ANK1: variants seen among roughly 807,000 people sequenced by gnomAD.
ANK1 encodes ankyrin 1.
In ANK1, 51 loss-of-function variants were observed where a neutral mutation model predicts 210.4. The observed-to-expected ratio is 0.24, with a 90% confidence interval of 0.19 to 0.31. The LOEUF (loss-of-function observed/expected upper bound fraction) is 0.31, where lower values mean the gene tolerates loss of function less well. Among genes scored for constraint, ANK1 ranks in the 10% least tolerant of loss-of-function variants. The pLI, the probability that ANK1 is intolerant of heterozygous loss-of-function variation, is 1.00. For missense variants in ANK1, 2,051 were observed against 2,504.4 expected, an observed-to-expected ratio of 0.82 and a Z score of 3.86; for synonymous variants, 967 against 1,025.9, an observed-to-expected ratio of 0.94 and a Z score of 1.10.
rs562957287 is a variant in ANK1 at position 41,770,022 on chromosome 8, C to T, written c.28-11885G>A. On this transcript the variant is annotated intron_variant, in intron 1 of 42. Coordinates refer to ENST00000289734, the MANE Select transcript of ANK1 (RefSeq NM_000037.4). The stretch of plus-strand genomic sequence containing the variant: ...TTGAGGAAGAGTTTAGCTCTTGTTG[C>T]CCAGGCTGGAGTGCAATGGCATGAT... Among the ~76,000 whole-genome samples the T allele has an allele frequency of 1.3e-4, 15 of 113,690 alleles. No homozygotes were observed. In the South Asian group the frequency reaches 4.0e-3, roughly 30 times the overall value. 74.6% of individuals were successfully genotyped at this position (113,690 alleles called of 152,430 possible).
At chr8:41,798,420 C>T (rs1587033064), upstream of ANK1, among the ~76,000 whole-genome samples, 1 of 152,210 alleles carries the variant, frequency 6.6e-6, no homozygotes, top group Non-Finnish European at 1.5e-5. Context: ...CGTGGGATGG[C>T]GCGGGCAGGG....
At chr8:41,665,123 G>T in intron 39 of ANK1, 2 of 1,552,300 alleles carry the variant, frequency 1.3e-6, no homozygotes, top group Non-Finnish European at 1.7e-6. Context: ...GTCCCCCAGG[G>T]ACCCCTTGCA....
At chr8:41,768,240 TA>T (rs1842279842) in intron 1 of ANK1, among the ~76,000 whole-genome samples, 1 of 152,216 alleles carries the variant, frequency 6.6e-6, no homozygotes, top group East Asian at 1.9e-4. Context: ...GAACCGTAAG[TA>T]AAAGCAGTGT....
chr8:41,657,409 A>G (rs1806130758), intron 42 of ANK1, among the ~76,000 whole-genome samples: 1 of 152,146 alleles, frequency 6.6e-6, no homozygotes, highest in Admixed American at 6.5e-5. Flanking sequence ...AAAAGCTAAG[A>G]CACATAGGTG....
chr8:41,812,631 A>C (rs1802664722), intron 1 of ANK1, among the ~76,000 whole-genome samples: 3 of 152,250 alleles, frequency 2.0e-5, no homozygotes, highest in African/African-American at 7.2e-5. Context: ...GTTTCTTAGA[A>C]TAACCAGCAT....
chr8:41,706,226 G>A lies in ANK1; in HGVS notation c.2014C>T (p.Leu672Phe). ...TGGCCTTCTTGTGCTACCAGATGGA[G>A]GGGAGTGAGTCCGCTCTGCAAAGAA... ...NLGNKSGLTPLHLVAQEGHVP... is the reference protein window; with the variant it reads ...NLGNKSGLTPFHLVAQEGHVP... The change falls in exon 18 of 43, where the codon CTC becomes TTC. Residue 672 changes from leucine (L) to phenylalanine (F), a missense_variant. By Grantham distance (22) the Leu-to-Phe change is conservative. Coordinates refer to ENST00000289734, the MANE Select transcript of ANK1 (RefSeq NM_000037.4). 6.2e-7 allele frequency: 1 copy of A among 1,614,138 alleles called. No homozygotes were observed.
At chr8:41,852,434 C>T (rs933873747) in intron 1 of ANK1, among the ~76,000 whole-genome samples, 2 of 152,170 alleles carry the variant, frequency 1.3e-5, no homozygotes, top group African/African-American at 2.4e-5. Context: ...GCTGATGACC[C>T]GGGCACCTCC....
intron 1 of ANK1, among the ~76,000 whole-genome samples, chr8:41,862,666 A>C (rs1813512050): frequency 6.6e-6 from 1 of 151,478 alleles, no homozygotes; most frequent in African/African-American, 2.4e-5. Flanking sequence ...CAGACAAAAA[A>C]AAAAAAAAAA....
chr8:41,709,153 G>A (rs1429333496), intron 16 of ANK1, among the ~76,000 whole-genome samples, 178 bp from the exon 17 acceptor site: 3 of 152,024 alleles, frequency 2.0e-5, no homozygotes, highest in Non-Finnish European at 4.4e-5. Context: ...TTGATTTGGA[G>A]ACAGCTCCTC....
At chr8:41,874,607 C>G (rs546125714) in intron 1 of ANK1, among the ~76,000 whole-genome samples, 12 of 152,324 alleles carry the variant, frequency 7.9e-5, no homozygotes, top group Admixed American at 3.3e-4. Flanking sequence ...CTGTCTTCCT[C>G]CAGACAAGGT....
chr8:41,894,173 G>T (rs1460553654), intron 1 of ANK1, among the ~76,000 whole-genome samples: 1 of 152,076 alleles, frequency 6.6e-6, no homozygotes, highest in Non-Finnish European at 1.5e-5. Context: ...TGCACCCAAA[G>T]AATCAGTCCT....
intron 1 of ANK1, among the ~76,000 whole-genome samples, chr8:41,781,274 A>T (rs879300397): frequency 1.3e-5 from 2 of 152,160 alleles, no homozygotes; most frequent in Non-Finnish European, 2.9e-5. Flanking sequence ...GGCCCTCTGC[A>T]GTTTCTCTAA....
chr8:41,688,695 C>T, intron 33 of ANK1, 106 bp from the exon 34 acceptor site: 1 of 952,174 alleles, frequency 1.1e-6, no homozygotes, highest in Non-Finnish European at 1.7e-6. Flanking sequence ...GACCCCAGTC[C>T]TGGTAAACAA....
rs142424943 is a variant in ANK1, at chr8:41,694,739, C to T, written c.3180G>A (p.Pro1060=). The stretch of plus-strand genomic sequence containing the variant: ...GCCGTGACATGATCACGAAGTACAG[C>T]GGGAAGTCGGTGGTGATGATTCGGC... ...RVCRIITTDF[P]LYFVIMSRLC... is the part of the protein sequence containing the mutation. Residue 1060 remains proline (P), a synonymous_variant, in exon 28 of 43, where the codon CCG becomes CCA. Coordinates refer to ENST00000289734, the MANE Select transcript of ANK1 (RefSeq NM_000037.4). The surrounding 1 kb of genome is among the most constrained non-coding windows in gnomAD (Gnocchi z 5.7). 45 of 1,614,128 alleles carry T rather than the reference C, an allele frequency of 2.8e-5. No individual in the cohort carries two copies. The East Asian group carries it at 4.5e-4, about 16-fold the overall frequency.
intron 20 of ANK1, 102 bp downstream of exon 20, chr8:41,703,939 A>G: frequency 8.9e-7 from 1 of 1,128,630 alleles, no homozygotes; most frequent in Admixed American, 1.7e-5. Flanking sequence ...GGCCCCGTCC[A>G]GGCCCTAGAC....
chr8:41,684,859 T>G (rs1194419319), intron 36 of ANK1, among the ~76,000 whole-genome samples, 169 bp from the exon 37 acceptor site: 1 of 152,210 alleles, frequency 6.6e-6, no homozygotes, highest in African/African-American at 2.4e-5. Context: ...GGGAGAATAC[T>G]TTTTACACTT....
At chr8:41,748,559 T>C (rs183337603) in intron 2 of ANK1, among the ~76,000 whole-genome samples, 295 of 152,308 alleles carry the variant, frequency 1.9e-3, no homozygotes, top group African/African-American at 6.7e-3. Flanking sequence ...CTGTTCCTTC[T>C]CACAGCAATT....
At chr8:41,880,663 CAA>C (rs1236451072) in intron 1 of ANK1, among the ~76,000 whole-genome samples, 1 of 152,248 alleles carries the variant, frequency 6.6e-6, no homozygotes, top group Non-Finnish European at 1.5e-5. Context: ...GCGAGGCACA[CAA>C]AGAGCACTAA....
rs765948429 is a variant in ANK1 at position 41,752,381 on chromosome 8, C to G, written c.129+5655G>C. ...AGTATATTCAACATGCCTTTCCTCC[C>G]TGCTCTCATCAGCCCCCGTCAGCAC... On this transcript the variant is annotated intron_variant, in intron 2 of 42. Transcript: ENST00000289734. Among the ~76,000 whole-genome samples, 12 of 152,336 alleles carry G rather than the reference C, an allele frequency of 7.9e-5. No individual in the cohort carries two copies. The South Asian group carries it at 2.3e-3, about 29-fold the overall frequency.
Sources: allele counts gnomAD v4.1 joint callset (sites outside exome capture counted in the v4.1 genomes callset), GRCh38; gene constraint gnomAD v4.1.1; non-coding constraint Gnocchi (gnomAD v3.1); transcripts MANE v1.5; gene names NCBI Gene and HGNC (gene_info 2026-07-23, HGNC 2026-07-21).